GNA14: variants seen among roughly 807,000 people sequenced by gnomAD.
The protein encoded by GNA14 is guanine nucleotide-binding protein subunit alpha-14.
In GNA14, 50 loss-of-function variants were observed where a neutral mutation model predicts 42.0. The ratio of observed to expected loss-of-function variants is 1.19; its 90% CI spans 0.95 to 1.51. The LOEUF is 1.51. GNA14 is among the 40% of genes most tolerant of loss of function. The pLI is 0.00. For missense variants in GNA14, 473 were observed against 446.2 expected (o/e 1.06, Z -0.54); for synonymous variants, 173 against 163.1 (o/e 1.06, Z -0.46).
intron 3 of GNA14, among the ~76,000 whole-genome samples, chr9:77,432,247 G>T (rs539614460): frequency 6.6e-6 from 1 of 152,128 alleles, no homozygotes. Flanking sequence ...TCCCAGCACC[G>T]CATCAGGGGC....
At chr9:77,532,427 G>A (rs576927931) in intron 1 of GNA14, among the ~76,000 whole-genome samples, 8 of 152,304 alleles carry the variant, frequency 5.3e-5, no homozygotes, top group African/African-American at 1.9e-4. Flanking sequence ...AGCAGCAGGT[G>A]AATGCAGGGG....
rs1214714317 is a variant in GNA14 at position 77,647,849 on chromosome 9, C to A, written c.-56G>T. ...ACGCGGCCCCGGGCACCCGAATCCT[C>A]GGCCCGGCCGCTCACCCGGCCAGCA... On this transcript the variant is annotated 5_prime_UTR_variant, in exon 1 of 7. Coordinates refer to ENST00000341700, the MANE Select transcript of GNA14 (RefSeq NM_004297.4). The A allele has an allele frequency of 1.9e-6, 3 of 1,565,624 alleles. No homozygotes were observed. The highest frequency in any genetic ancestry group is 1.7e-6 in the Non-Finnish European group (2 of 1,160,986).
At chr9:77,500,939 G>A (rs939939205) in intron 2 of GNA14, among the ~76,000 whole-genome samples, 13 of 152,062 alleles carry the variant, frequency 8.5e-5, no homozygotes, top group Admixed American at 8.5e-4. Flanking sequence ...AGGAGTAGCT[G>A]GGTTGTATGG....
intron 1 of GNA14, among the ~76,000 whole-genome samples, chr9:77,538,700 C>CA (rs1464528610): frequency 1.7e-4 from 26 of 152,118 alleles, no homozygotes; most frequent in African/African-American, 6.0e-4. Context: ...TTGTAAATAG[C>CA]ATTGCTTTCT....
chr9:77,512,790 C>T (rs544285475), intron 2 of GNA14, among the ~76,000 whole-genome samples: 14 of 152,256 alleles, frequency 9.2e-5, no homozygotes, highest in African/African-American at 3.1e-4. Context: ...TAAAAGGCAT[C>T]CCATTTAGAC....
rs79295433 is a variant in GNA14, at chr9:77,425,547, A to G, written c.877+15T>C. On this transcript the variant is annotated intron_variant, in intron 6 of 6. Transcript: ENST00000341700. Reference sequence around the variant, plus strand: ...GATCAGCACAGAAAACACTGTCCACAAGATAGACACTTACCTGTGTATTCT... The same window carrying G: ...GATCAGCACAGAAAACACTGTCCACGAGATAGACACTTACCTGTGTATTCT... 101,175 of 1,583,922 alleles carry G rather than the reference A, an allele frequency of 0.064. 3,581 individuals are homozygous for G. Among genetic ancestry groups the G allele is most frequent in the Middle Eastern group, 0.099 (582 of 5,900 alleles).
At chr9:77,599,898 T>C (rs149963832) in intron 1 of GNA14, among the ~76,000 whole-genome samples, 13 of 152,272 alleles carry the variant, frequency 8.5e-5, no homozygotes, top group South Asian at 8.3e-4. Flanking sequence ...AACAAAAAAT[T>C]GTAACTATAG....
chr9:77,580,712 T>C (rs1231711789), intron 1 of GNA14: 2 of 232,028 alleles, frequency 8.6e-6, no homozygotes, highest in Non-Finnish European at 1.9e-5. Context: ...GCTCCAAATA[T>C]CATACACAAA....
intron 2 of GNA14, among the ~76,000 whole-genome samples, chr9:77,491,231 T>G (rs1836769766): frequency 6.6e-6 from 1 of 152,238 alleles, no homozygotes; most frequent in Non-Finnish European, 1.5e-5. Context: ...TCAGAAATTT[T>G]AAAATGCTAA....
At chr9:77,586,950 T>C (rs978221447) in intron 1 of GNA14, among the ~76,000 whole-genome samples, 2 of 150,538 alleles carry the variant, frequency 1.3e-5, no homozygotes, top group African/African-American at 4.9e-5. Flanking sequence ...CTTACCTATA[T>C]GTCTGCAGCT....
intron 1 of GNA14, among the ~76,000 whole-genome samples, chr9:77,560,541 C>T (rs888456139): frequency 1.3e-5 from 2 of 152,074 alleles, no homozygotes; most frequent in African/African-American, 4.8e-5. Flanking sequence ...GTCTTGAACT[C>T]CTGAGCTCAG....
chr9:77,506,845 C>G (rs1837078782), intron 2 of GNA14, among the ~76,000 whole-genome samples: 1 of 152,144 alleles, frequency 6.6e-6, no homozygotes, highest in African/African-American at 2.4e-5. Flanking sequence ...AGTTAGAAAA[C>G]AAATTAGTGC....
chr9:77,580,063 T>C (rs999983602), intron 1 of GNA14, among the ~76,000 whole-genome samples: 1 of 152,226 alleles, frequency 6.6e-6, no homozygotes, highest in African/African-American at 2.4e-5. Context: ...ATTTAATATA[T>C]AGCACATAAC....
chr9:77,613,891 C>G (rs1823771138), intron 1 of GNA14, among the ~76,000 whole-genome samples: 1 of 152,058 alleles, frequency 6.6e-6, no homozygotes. Flanking sequence ...GGAACATGTT[C>G]ATTAAGGATT....
chr9:77,550,115 C>G (rs927202751), intron 1 of GNA14, among the ~76,000 whole-genome samples: 2 of 152,114 alleles, frequency 1.3e-5, no homozygotes, highest in Non-Finnish European at 2.9e-5. Context: ...GAGAAGGGAA[C>G]ACCAGCCAGG....
At chr9:77,499,237 T>C (rs996037666) in intron 2 of GNA14, among the ~76,000 whole-genome samples, 2 of 152,218 alleles carry the variant, frequency 1.3e-5, no homozygotes, top group Non-Finnish European at 2.9e-5. Context: ...CTTCTTGATC[T>C]CAAAAGCTCA....
chr9:77,592,647 A>G (rs1191730951), intron 1 of GNA14, among the ~76,000 whole-genome samples: 2 of 152,196 alleles, frequency 1.3e-5, no homozygotes, highest in Non-Finnish European at 2.9e-5. Flanking sequence ...CTCTCTAAAC[A>G]TTCGAGTTTG....
chr9:77,643,938 T>TA (rs1824310009), intron 1 of GNA14, among the ~76,000 whole-genome samples: 1 of 152,150 alleles, frequency 6.6e-6, no homozygotes, highest in Admixed American at 6.5e-5. Context: ...AGTCCACAGC[T>TA]AAGACACTGT....
At chr9:77,629,550 A>T (rs1824062241) in intron 1 of GNA14, among the ~76,000 whole-genome samples, 5 of 152,256 alleles carry the variant, frequency 3.3e-5, no homozygotes, top group Admixed American at 3.3e-4. Context: ...CTATGTAGCC[A>T]TAAAAAGGAT....
Sources: gnomAD v4.1 joint callset for allele counts (sites outside exome capture counted in the v4.1 genomes callset) on GRCh38, gnomAD v4.1.1 for gene constraint, MANE v1.5 for transcripts, NCBI Gene and HGNC (gene_info 2026-07-23, HGNC 2026-07-21) for gene names.